KIAA0586: variants seen among roughly 807,000 people sequenced by gnomAD.
The protein encoded by KIAA0586 is protein TALPID3.
Under a neutral mutation model 169.8 loss-of-function variants are expected in KIAA0586, and 144 were observed. The ratio of observed to expected loss-of-function variants is 0.85; its 90% CI spans 0.74 to 0.97. The LOEUF is 0.97. KIAA0586 is among the 50% of genes least tolerant of loss of function. The probability of loss-of-function intolerance (pLI) is 0.00; values close to 1 mark genes in which losing one functional copy is unlikely to be tolerated. For synonymous variants in KIAA0586, 625 were observed against 612.4 expected (o/e 1.02, Z -0.30); for missense variants, 1,854 against 1,823.0 (o/e 1.02, Z -0.31).
intron 20 of KIAA0586, among the ~76,000 whole-genome samples, chr14:58,479,233 G>T (rs1003071230): frequency 6.6e-6 from 1 of 152,134 alleles, no homozygotes; most frequent in African/African-American, 2.4e-5. Flanking sequence ...ATATGTGGAG[G>T]TATTTCCCTA....
chr14:58,436,006 G>A (rs2037793363), intron 4 of KIAA0586, among the ~76,000 whole-genome samples: 1 of 152,116 alleles, frequency 6.6e-6, no homozygotes, highest in Non-Finnish European at 1.5e-5. Flanking sequence ...ATCGTGCCCA[G>A]CCAGAATGAT....
At position 58,448,509 on chromosome 14, in the gene KIAA0586, T is replaced by C. The variant is rs2039093637; in HGVS notation, c.961+16T>C. On this transcript the variant is annotated intron_variant, in intron 7 of 30. Transcript: ENST00000652326. ...TCCAAACAAGGTAAAAATATGTAGT[T>C]CTCTATGAATAAAAAATGTCAGCTG... 4.5e-6 allele frequency: 7 copies of C among 1,551,690 alleles called. No individual in the cohort carries two copies. Among genetic ancestry groups the C allele is most frequent in the Non-Finnish European group, 5.3e-6 (6 of 1,138,476 alleles).
chr14:58,461,145 A>G lies in KIAA0586; in HGVS notation c.2044A>G (p.Ile682Val). The change falls in exon 14 of 31, where the codon ATA becomes GTA. Residue 682 changes from isoleucine to valine, a missense_variant. By Grantham distance (29) the Ile-to-Val change is conservative. Coordinates refer to ENST00000652326, the MANE Select transcript of KIAA0586 (RefSeq NM_001329943.3). The part of the protein sequence containing the change: ...PKSRPQRPKV[I>V]ERVKGTKVKS... ...GTCCAGACCACAGAGACCAAAAGTAATAGAACGAGTTAAAGGTAAGGAATC... is the reference window on the plus strand; with the variant it reads ...GTCCAGACCACAGAGACCAAAAGTAGTAGAACGAGTTAAAGGTAAGGAATC... The G allele has an allele frequency of 6.3e-7, 1 of 1,585,368 alleles. No homozygotes were observed. Among genetic ancestry groups the G allele is most frequent in the Non-Finnish European group, 8.6e-7 (1 of 1,169,010 alleles).
intron 28 of KIAA0586, 112 bp from the exon 29 acceptor site, chr14:58,512,410 T>C (rs1056230246): frequency 2.9e-5 from 17 of 589,788 alleles, no homozygotes; most frequent in African/African-American, 2.4e-4. Context: ...AAAAAGCAAC[T>C]AGAAAGCAAG....
At chr14:58,542,932 G>A (rs1438287405) in intron 30 of KIAA0586, among the ~76,000 whole-genome samples, 1 of 151,348 alleles carries the variant, frequency 6.6e-6, no homozygotes, top group Non-Finnish European at 1.5e-5. Flanking sequence ...ACGAGATCAG[G>A]AGATTGAGAC....
At chr14:58,511,727 CTAGA>C (rs1174895511) in intron 28 of KIAA0586, among the ~76,000 whole-genome samples, 2 of 152,110 alleles carry the variant, frequency 1.3e-5, no homozygotes, top group African/African-American at 4.8e-5. Flanking sequence ...ATTTTTACCC[CTAGA>C]TAAAGAGGAT....
At chr14:58,470,128 T>G (rs1851937639) in intron 16 of KIAA0586, among the ~76,000 whole-genome samples, 1 of 151,622 alleles carries the variant, frequency 6.6e-6, no homozygotes, top group African/African-American at 2.4e-5. Context: ...TTTGTAGTGA[T>G]ATATATATAA....
the KIAA0586 span, among the ~76,000 whole-genome samples, chr14:58,561,749 T>C: frequency 6.6e-6 from 1 of 152,206 alleles, no homozygotes; most frequent in Admixed American, 6.5e-5. Flanking sequence ...TATATGAACA[T>C]AAAGTTTCAT....
intron 26 of KIAA0586, among the ~76,000 whole-genome samples, chr14:58,492,749 A>G (rs1211224665): frequency 6.6e-6 from 1 of 152,238 alleles, no homozygotes; most frequent in Non-Finnish European, 1.5e-5. Flanking sequence ...TTCATACACA[A>G]TATTACATTG....
Position 58,428,345 on chromosome 14 carries a change from A to G in KIAA0586, c.81A>G (p.Gln27=), listed in dbSNP as rs746934871. 1.2e-6 allele frequency: 2 copies of G among 1,613,990 alleles called. No individual in the cohort carries two copies. The highest frequency in any genetic ancestry group is 1.7e-5 in the Admixed American group (1 of 60,016). The change falls in exon 1 of 31, where the codon CAA becomes CAG. Residue 27 remains glutamine (Q), a synonymous_variant. Coordinates refer to ENST00000652326, the MANE Select transcript of KIAA0586 (RefSeq NM_001329943.3). ...PVKRLREVVS[Q]NHGDHLVLLK... is the part of the protein sequence containing the mutation. ...AGAGACTTCGTGAGGTAGTTTCTCA[A>G]AATCATGGAGATCATTTGGTTTTGC... is the stretch of plus-strand genomic sequence containing the variant.
Position 58,428,326 on chromosome 14 carries a change from T to A in KIAA0586, c.62T>A (p.Leu21His), listed in dbSNP as rs756253899. The part of the protein sequence containing the change: ...KKKIKMPVKR[L>H]REVVSQNHGD... ...AAGATTAAGATGCCAGTGAAGAGAC[T>A]TCGTGAGGTAGTTTCTCAAAATCAT... The change falls in exon 1 of 31, where the codon CTT becomes CAT. Residue 21 changes from leucine to histidine, a missense_variant. Coordinates refer to ENST00000652326, the MANE Select transcript of KIAA0586 (RefSeq NM_001329943.3). 1.2e-6 allele frequency: 2 copies of A among 1,613,912 alleles called. No individual in the cohort carries two copies. Among genetic ancestry groups the A allele is most frequent in the South Asian group, 1.1e-5 (1 of 91,078 alleles).
intron 6 of KIAA0586, among the ~76,000 whole-genome samples, chr14:58,444,615 G>A (rs1488054228): frequency 6.6e-6 from 1 of 151,860 alleles, no homozygotes; most frequent in East Asian, 1.9e-4. Flanking sequence ...GTAGAGGTGG[G>A]GTTTCACCAT....
intron 6 of KIAA0586, among the ~76,000 whole-genome samples, chr14:58,445,188 T>C (rs1748967): frequency 0.98 from 149,757 of 152,082 alleles, 73,773 homozygotes; most frequent in East Asian, 1. Flanking sequence ...GGCCTTTCAG[T>C]GATTTTGAGC....
rs568184666 is a variant in KIAA0586, at chr14:58,434,917, T to G, written c.410+2460T>G. Among the ~76,000 whole-genome samples the G allele has an allele frequency of 4.7e-4, 69 of 146,624 alleles. 1 individual carries two copies. Among genetic ancestry groups the G allele is most frequent in the Non-Finnish European group, 8.2e-4 (55 of 66,998 alleles). On this transcript the variant is annotated intron_variant, in intron 4 of 30. Transcript: ENST00000652326. ...CCCCCTAACCGCCCCCCCGCCAGAG[T>G]AGCTGGGACTACAGGCATGTGCCAC...
chr14:58,459,694 C>T, intron 12 of KIAA0586, 149 bp from the exon 13 acceptor site: 1 of 414,210 alleles, frequency 2.4e-6, no homozygotes, highest in Non-Finnish European at 4.2e-6. Flanking sequence ...TTTATATATC[C>T]AATAAAGCCA....
chr14:58,543,815 C>A lies in KIAA0586; in HGVS notation c.4495+3679C>A, dbSNP rs78858898. The A allele has an allele frequency of 2.1e-5, 9 of 428,348 alleles. No homozygotes were observed. The Admixed American group carries it at 2.1e-4, about 10-fold the overall frequency. The allele number at this position is 428,348 out of a possible 1,614,324, so 26.5% of individuals were successfully genotyped here. A position where few individuals can be genotyped will look rare whatever the true frequency, so the allele number is the denominator to read the frequency against. Reference sequence around the variant, plus strand: ...GGACTATTTTTATAGATCCGTCTCCCGTCTCTCTATTTTCCACACAGCTAT... The same window carrying A: ...GGACTATTTTTATAGATCCGTCTCCAGTCTCTCTATTTTCCACACAGCTAT... On this transcript the variant is annotated intron_variant, in intron 30 of 30. Transcript: ENST00000652326.
chr14:58,498,994 T>C (rs532459209), intron 27 of KIAA0586, 34 bp downstream of exon 27: 1 of 1,528,862 alleles, frequency 6.5e-7, no homozygotes, highest in African/African-American at 1.4e-5. Context: ...TGATGTGTCA[T>C]AGTAGTATCC....
chr14:58,434,955 A>G (rs1446515014), intron 4 of KIAA0586, among the ~76,000 whole-genome samples: 2 of 151,662 alleles, frequency 1.3e-5, no homozygotes, highest in Admixed American at 6.6e-5. Flanking sequence ...CATCCAGCTA[A>G]CTTTTTTACT....
rs1447547991 is a variant in KIAA0586, at chr14:58,429,171, T to C, written c.200-192T>C. 1.3e-5 allele frequency among the ~76,000 whole-genome samples: 2 copies of C among 152,228 alleles called. 1 individual carries two copies. The highest frequency in any genetic ancestry group is 6.3e-3 in the Middle Eastern group (2 of 316). ...TTATTGTCAGTACCGAACCTTATTTTCCCAAATATCAACTGTAAAAACTTT... is the reference window on the plus strand; with the variant it reads ...TTATTGTCAGTACCGAACCTTATTTCCCCAAATATCAACTGTAAAAACTTT... On this transcript the variant is annotated intron_variant, in intron 1 of 30. Transcript: ENST00000652326.
Sources: gnomAD v4.1 joint callset for allele counts (sites outside exome capture counted in the v4.1 genomes callset) on GRCh38, gnomAD v4.1.1 for gene constraint, MANE v1.5 for transcripts, NCBI Gene and HGNC (gene_info 2026-07-23, HGNC 2026-07-21) for gene names.